The following ERBB4 variants were observed in gnomAD, a reference collection of about 807,000 sequenced individuals.
ERBB4 encodes the protein erb-b2 receptor tyrosine kinase 4, also known as receptor tyrosine-protein kinase erbB-4.
In ERBB4, 42 loss-of-function variants were observed where a neutral mutation model predicts 158.0. The observed-to-expected ratio is 0.27, with a 90% CI of 0.21 to 0.34. The LOEUF (loss-of-function observed/expected upper bound fraction) is 0.34, where lower values mean the gene tolerates loss of function less well. ERBB4 is among the 10% of genes least tolerant of loss of function. The pLI is 1.00. For synonymous variants in ERBB4, 583 were observed against 558.7 expected, an observed-to-expected ratio of 1.04 and a Z score of -0.61; for missense variants, 1,333 against 1,624.1, an observed-to-expected ratio of 0.82 and a Z score of 3.08.
At chr2:211,704,336 T>G in intron 10 of ERBB4, 142 bp from the exon 11 acceptor site, 1 of 670,740 alleles carries the variant, frequency 1.5e-6, no homozygotes, top group African/African-American at 1.8e-5. Context: ...TTAAGCACTC[T>G]ATTACATATG....
chr2:212,470,839 T>C (rs1317290064), intron 1 of ERBB4, among the ~76,000 whole-genome samples: 1 of 152,072 alleles, frequency 6.6e-6, no homozygotes, highest in Non-Finnish European at 1.5e-5. Context: ...TTCCTAAATT[T>C]AATTCAAGGA....
At chr2:211,770,925 T>G (rs1431154470) in intron 4 of ERBB4, among the ~76,000 whole-genome samples, 1 of 152,204 alleles carries the variant, frequency 6.6e-6, no homozygotes, top group Admixed American at 6.6e-5. Context: ...GAGAACTAAA[T>G]ATTCTCTAAG....
At chr2:211,756,753 T>C (rs894550019) in intron 4 of ERBB4, among the ~76,000 whole-genome samples, 22 of 152,288 alleles carry the variant, frequency 1.4e-4, no homozygotes, top group African/African-American at 5.1e-4. Flanking sequence ...ATGACAAAAG[T>C]ATATATAAGA....
chr2:212,428,709 A>C (rs982377219), intron 1 of ERBB4, among the ~76,000 whole-genome samples: 1 of 152,218 alleles, frequency 6.6e-6, no homozygotes, highest in African/African-American at 2.4e-5. Flanking sequence ...AAATAAAGTA[A>C]AATAAAACCT....
chr2:211,535,587 GTA>G (rs1491239729), intron 20 of ERBB4: 1 of 92,634 alleles, frequency 1.1e-5, no homozygotes, highest in Non-Finnish European at 2.6e-5. Flanking sequence ...GAGAGAGAGT[GTA>G]TGTGTGTGTG....
intron 19 of ERBB4, among the ~76,000 whole-genome samples, chr2:211,573,627 G>A (rs532603502): frequency 2.0e-4 from 31 of 152,200 alleles, no homozygotes; most frequent in Admixed American, 1.6e-3. Flanking sequence ...CCGAGATGGT[G>A]TCACTGCACT....
intron 20 of ERBB4, among the ~76,000 whole-genome samples, chr2:211,519,749 C>T (rs2066138669): frequency 6.6e-6 from 1 of 152,098 alleles, no homozygotes; most frequent in Non-Finnish European, 1.5e-5. Flanking sequence ...TTTCTAATTG[C>T]ATCATGGAAA....
intron 1 of ERBB4, among the ~76,000 whole-genome samples, chr2:212,376,727 C>G (rs539151106): frequency 6.6e-6 from 1 of 151,958 alleles, no homozygotes; most frequent in East Asian, 1.9e-4. Context: ...TTCCTAGGAC[C>G]CTCAGTTTTT....
chr2:212,240,661 A>C (rs1325242381), intron 1 of ERBB4, among the ~76,000 whole-genome samples: 3 of 148,044 alleles, frequency 2.0e-5, no homozygotes, highest in South Asian at 2.2e-4. Flanking sequence ...AAAAAAAAAA[A>C]AAAAAACAGA....
At chr2:212,398,102 ATGTGTGTG>A (rs143581724) in intron 1 of ERBB4, among the ~76,000 whole-genome samples, 197 of 149,756 alleles carry the variant, frequency 1.3e-3, no homozygotes, top group Middle Eastern at 6.8e-3. Context: ...ATACATATAT[ATGTGTGTG>A]TGTGTGTGTG....
At chr2:212,520,624 C>G (rs1692105838) in intron 1 of ERBB4, among the ~76,000 whole-genome samples, 1 of 151,870 alleles carries the variant, frequency 6.6e-6, no homozygotes, top group Non-Finnish European at 1.5e-5. Context: ...AAATAGCTTT[C>G]ATTGTTAAAT....
At chr2:212,025,037 A>G (rs1169378741) in intron 2 of ERBB4, among the ~76,000 whole-genome samples, 1 of 151,876 alleles carries the variant, frequency 6.6e-6, no homozygotes, top group Non-Finnish European at 1.5e-5. Flanking sequence ...CATTAATGTA[A>G]GCATATAGTA....
intron 2 of ERBB4, among the ~76,000 whole-genome samples, chr2:212,058,153 T>C (rs2077640047): frequency 6.6e-6 from 1 of 152,164 alleles, no homozygotes; most frequent in Non-Finnish European, 1.5e-5. Flanking sequence ...CAGAGAATAC[T>C]ATAAACAACT....
intron 2 of ERBB4, among the ~76,000 whole-genome samples, chr2:212,056,433 C>G (rs2077571692): frequency 6.6e-6 from 1 of 152,080 alleles, no homozygotes; most frequent in South Asian, 2.1e-4. Flanking sequence ...GAGAACACCA[C>G]AAAGAGACTC....
intron 2 of ERBB4, among the ~76,000 whole-genome samples, chr2:212,041,184 A>G (rs959140786): frequency 1.3e-4 from 20 of 152,198 alleles, no homozygotes; most frequent in African/African-American, 4.1e-4. Flanking sequence ...TATGTAAAAC[A>G]TTTAGAAAAG....
intron 3 of ERBB4, among the ~76,000 whole-genome samples, chr2:211,923,712 G>GTTTTA (rs1553514026): frequency 1.3e-5 from 2 of 151,558 alleles, no homozygotes; most frequent in African/African-American, 4.9e-5. Flanking sequence ...CATAATCTAA[G>GTTTTA]TTGTATTGTA....
At chr2:212,111,634 T>C (rs1056495306) in intron 2 of ERBB4, among the ~76,000 whole-genome samples, 2 of 39,160 alleles carry the variant, frequency 5.1e-5, no homozygotes, top group Non-Finnish European at 1.8e-4. Flanking sequence ...TCTCTATTCT[T>C]TTTTTTTTTA....
intron 2 of ERBB4, among the ~76,000 whole-genome samples, chr2:211,986,586 C>T (rs2081942968): frequency 6.6e-6 from 1 of 152,224 alleles, no homozygotes; most frequent in Middle Eastern, 3.4e-3. Flanking sequence ...TAATTTCACA[C>T]TTGAGAGTTA....
chr2:212,328,200 A>G (rs1266979488), intron 1 of ERBB4, among the ~76,000 whole-genome samples: 1 of 151,972 alleles, frequency 6.6e-6, no homozygotes, highest in Non-Finnish European at 1.5e-5. Context: ...GGGTTCAAAG[A>G]CTAGGACTAC....
Sources: gnomAD v4.1 joint callset for allele counts (sites outside exome capture counted in the v4.1 genomes callset) on GRCh38, gnomAD v4.1.1 for gene constraint, MANE v1.5 for transcripts, NCBI Gene and HGNC (gene_info 2026-07-23, HGNC 2026-07-21) for gene names.